NHS: variants seen among roughly 807,000 people sequenced by gnomAD.
NHS encodes NHS actin remodeling regulator.
In NHS, 5 loss-of-function variants were observed where a neutral mutation model predicts 72.5. The ratio of observed to expected loss-of-function variants is 0.07; its 90% confidence interval spans 0.04 to 0.14. The LOEUF is 0.14. NHS is among the 10% of genes least tolerant of loss of function. The pLI is 1.00. For synonymous variants in NHS, 464 were observed against 547.7 expected, an observed-to-expected ratio of 0.85 and a Z score of 2.13; for missense variants, 1,072 against 1,355.7, an observed-to-expected ratio of 0.79 and a Z score of 3.29.
rs2066505966 is a variant in NHS at position 17,734,059 on chromosome X, A to G, written c.*1595A>G. 8.9e-6 allele frequency: 1 copy of G among 112,456 alleles called. No homozygotes were observed. Among genetic ancestry groups the G allele is most frequent in the Non-Finnish European group, 1.9e-5 (1 of 53,264 alleles). 9.3% of individuals were successfully genotyped at this position (112,456 alleles called of 1,213,427 possible). On this transcript the variant is annotated 3_prime_UTR_variant, in exon 9 of 9. Coordinates refer to ENST00000676302, the MANE Select transcript of NHS (RefSeq NM_001291867.2). Reference sequence around the variant, plus strand: ...GAAATATAAGCAGCTATGTACTTAGAATAGGTTTTGAATGGGAGAGGTAGA... The same window carrying G: ...GAAATATAAGCAGCTATGTACTTAGGATAGGTTTTGAATGGGAGAGGTAGA...
chrX:17,579,386 T>C (rs2065530601), intron 1 of NHS, among the ~76,000 whole-genome samples: 1 of 111,360 alleles, frequency 9.0e-6, no homozygotes, highest in African/African-American at 3.3e-5. Flanking sequence ...TTTTTCCTGA[T>C]GCTATTTTGA....
intron 8 of NHS, among the ~76,000 whole-genome samples, chrX:17,730,658 TATG>T: frequency 8.9e-6 from 1 of 112,817 alleles, no homozygotes; most frequent in Non-Finnish European, 1.9e-5. Context: ...AAATCAATAA[TATG>T]ATGATGGGAG....
intron 1 of NHS, among the ~76,000 whole-genome samples, chrX:17,474,681 TC>T (rs2064906814): frequency 8.9e-6 from 1 of 112,050 alleles, no homozygotes; most frequent in Non-Finnish European, 1.9e-5. Flanking sequence ...GATGCAAGTT[TC>T]CTCTAGGTAG....
At chrX:17,403,764 G>T (rs2064513743) in intron 1 of NHS, among the ~76,000 whole-genome samples, 1 of 111,482 alleles carries the variant, frequency 9.0e-6, no homozygotes, top group Non-Finnish European at 1.9e-5. Flanking sequence ...TCTGCCCCAG[G>T]CCCTTCTTGA....
At chrX:17,702,107 T>A (rs1373635883) in intron 3 of NHS, among the ~76,000 whole-genome samples, 2 of 110,538 alleles carry the variant, frequency 1.8e-5, no homozygotes, top group Non-Finnish European at 3.8e-5. Flanking sequence ...GGGATGGCAT[T>A]TCTCTGAGTA....
chrX:17,434,925 G>A (rs1402468620), intron 1 of NHS, among the ~76,000 whole-genome samples: 1 of 111,893 alleles, frequency 8.9e-6, no homozygotes. Flanking sequence ...AACTAGGGGT[G>A]TTATGGAAGC....
intron 1 of NHS, among the ~76,000 whole-genome samples, chrX:17,579,154 T>A (rs7878756): frequency 0.058 from 6,525 of 111,952 alleles, 431 homozygotes; most frequent in African/African-American, 0.2. Context: ...CCTGATCATA[T>A]CATTCTGGCC....
intron 1 of NHS, among the ~76,000 whole-genome samples, chrX:17,511,697 G>A (rs1459324361): frequency 8.9e-6 from 1 of 112,058 alleles, no homozygotes; most frequent in Non-Finnish European, 1.9e-5. Flanking sequence ...TTCTTCTGCA[G>A]TATTTTTCCC....
chrX:17,541,767 A>AACACACACACAC (rs57700886), intron 1 of NHS, among the ~76,000 whole-genome samples: 4,638 of 62,813 alleles, frequency 0.074, 374 homozygotes, highest in African/African-American at 0.15. Flanking sequence ...TGAGTTTGCG[A>AACACACACACAC]ACACACACAC....
At chrX:17,396,366 T>G (rs1246090079) in intron 1 of NHS, among the ~76,000 whole-genome samples, 1 of 111,517 alleles carries the variant, frequency 9.0e-6, no homozygotes, top group Non-Finnish European at 1.9e-5. Context: ...CTATTCTACT[T>G]TATTCTAATT....
chrX:17,488,022 G>A (rs2064974284), intron 1 of NHS, among the ~76,000 whole-genome samples: 1 of 110,983 alleles, frequency 9.0e-6, no homozygotes, highest in Non-Finnish European at 1.9e-5. Context: ...CTATTAATGT[G>A]TTTCTCCTCA....
At chrX:17,535,170 C>G (rs2065217151) in intron 1 of NHS, among the ~76,000 whole-genome samples, 1 of 111,951 alleles carries the variant, frequency 8.9e-6, no homozygotes, top group Non-Finnish European at 1.9e-5. Flanking sequence ...GAAAGCATCT[C>G]CCAAACATAT....
intron 1 of NHS, among the ~76,000 whole-genome samples, chrX:17,656,801 G>C (rs991061471): frequency 2.7e-5 from 3 of 112,004 alleles, no homozygotes; most frequent in Middle Eastern, 4.6e-3. Flanking sequence ...CCTGCAGGGG[G>C]AATGAGGATT....
chrX:17,394,011 C>T (rs976355129), intron 1 of NHS, among the ~76,000 whole-genome samples: 1 of 111,776 alleles, frequency 8.9e-6, no homozygotes, highest in Non-Finnish European at 1.9e-5. Flanking sequence ...TCCGCCCCCC[C>T]ACCGCACCCT....
rs1220490453 is a variant in NHS, at chrX:17,504,672, T to A, written c.565+128350T>A. Among the ~76,000 whole-genome samples the A allele has an allele frequency of 4.5e-5, 5 of 112,159 alleles. No homozygotes were observed. In the Admixed American group the frequency reaches 4.7e-4, roughly 11 times the overall value. ...CAAGGATGTTCAGGAGAGAGAGGAC[T>A]GGCAGCTAACAGAACAATGTCCCTA... On this transcript the variant is annotated intron_variant, in intron 1 of 8. Transcript: ENST00000676302.
At chrX:17,513,919 A>G (rs192773246) in intron 1 of NHS, among the ~76,000 whole-genome samples, 1 of 112,198 alleles carries the variant, frequency 8.9e-6, no homozygotes, top group African/African-American at 3.2e-5. Flanking sequence ...TTACAAAAGA[A>G]AGAGGTTTAA....
At chrX:17,466,834 C>T (rs1369944529) in intron 1 of NHS, among the ~76,000 whole-genome samples, 4 of 111,646 alleles carry the variant, frequency 3.6e-5, no homozygotes, top group African/African-American at 1.3e-4. Context: ...TGTTTGATCC[C>T]GTGATGTGAG....
chrX:17,453,310 A>G (rs1350610219), intron 1 of NHS, among the ~76,000 whole-genome samples: 1 of 111,755 alleles, frequency 8.9e-6, no homozygotes. Flanking sequence ...CATAGAAGGC[A>G]TGGGGTTCAG....
Position 17,573,656 on chromosome X carries a change from G to A in NHS, c.566-114086G>A, listed in dbSNP as rs371936987. Among the ~76,000 whole-genome samples, 4 of 110,072 alleles carry A rather than the reference G, an allele frequency of 3.6e-5. No individual in the cohort carries two copies. In the East Asian group the frequency reaches 8.7e-4, roughly 24 times the overall value. ...CTTCAGCTCGGAAAAGTTTATTACC[G>A]ACCTTCTGAAGCCTACTTCTGTCAA... On this transcript the variant is annotated intron_variant, in intron 1 of 8. Coordinates refer to ENST00000676302, the MANE Select transcript of NHS (RefSeq NM_001291867.2).
Sources: gnomAD v4.1 joint callset for allele counts (sites outside exome capture counted in the v4.1 genomes callset) on GRCh38, gnomAD v4.1.1 for gene constraint, MANE v1.5 for transcripts, NCBI Gene and HGNC (gene_info 2026-07-23, HGNC 2026-07-21) for gene names.